The following GRB10 variants were observed in gnomAD, a reference collection of about 807,000 sequenced individuals.
The protein encoded by GRB10 is growth factor receptor-bound protein 10.
Under a neutral mutation model 80.9 loss-of-function variants are expected in GRB10, and 20 were observed. The observed-to-expected ratio is 0.25, with a 90% CI of 0.17 to 0.36. The LOEUF is 0.36. Among genes scored for constraint, GRB10 ranks in the 10% least tolerant of loss-of-function variants. The pLI is 1.00. For synonymous variants in GRB10, 291 were observed against 291.5 expected, an observed-to-expected ratio of 1.00 and a Z score of 0.02; for missense variants, 548 against 747.7, an observed-to-expected ratio of 0.73 and a Z score of 3.12.
At chr7:50,770,764 T>TC (rs958245361) in intron 2 of GRB10, among the ~76,000 whole-genome samples, 2 of 151,732 alleles carry the variant, frequency 1.3e-5, no homozygotes, top group African/African-American at 2.4e-5. Flanking sequence ...TCTTCCCATT[T>TC]TTTTTGTTTT....
chr7:50,596,522 T>G (rs1011573205), intron 17 of GRB10, among the ~76,000 whole-genome samples: 2 of 152,338 alleles, frequency 1.3e-5, no homozygotes, highest in South Asian at 4.1e-4. Context: ...AGATTTAGGA[T>G]GAAGATGTTC....
intron 8 of GRB10, among the ~76,000 whole-genome samples, chr7:50,625,590 C>G (rs1331742732): frequency 1.3e-5 from 2 of 152,320 alleles, no homozygotes; most frequent in East Asian, 3.9e-4. Flanking sequence ...ACTGTGACAT[C>G]ATGGTCACTA....
At chr7:50,788,722 C>A (rs2078794980) in intron 1 of GRB10, among the ~76,000 whole-genome samples, 1 of 152,216 alleles carries the variant, frequency 6.6e-6, no homozygotes, top group Non-Finnish European at 1.5e-5. Flanking sequence ...CAGGACTGCC[C>A]ACTAGCACAG....
rs1330092288 is a variant in GRB10, at chr7:50,590,456, TA to T, written c.*2495del. On this transcript the variant is annotated 3_prime_UTR_variant, in exon 19 of 19. Transcript: ENST00000401949. ...CAAACAAAAGAACATTCTGGAACTC[TA>T]ACACCTAGTGTAACAGAGCTTACCT... The T allele has an allele frequency of 6.6e-6, 1 of 152,420 alleles. No homozygotes were observed. Among genetic ancestry groups the T allele is most frequent in the African/African-American group, 2.4e-5 (1 of 41,470 alleles). 9.4% of individuals were successfully genotyped at this position (152,420 alleles called of 1,614,324 possible). A position where few individuals can be genotyped will look rare whatever the true frequency, so the allele number is the denominator to read the frequency against.
chr7:50,713,937 T>C (rs2066406832), intron 4 of GRB10, among the ~76,000 whole-genome samples: 1 of 151,662 alleles, frequency 6.6e-6, no homozygotes, highest in Non-Finnish European at 1.5e-5. Flanking sequence ...CCATCACCTC[T>C]GCTCCTTCCC....
At chr7:50,668,571 T>C (rs1410651469) in intron 7 of GRB10, among the ~76,000 whole-genome samples, 1 of 152,170 alleles carries the variant, frequency 6.6e-6, no homozygotes, top group African/African-American at 2.4e-5. Context: ...ACTTAATTCA[T>C]ACGGGATGGC....
intron 6 of GRB10, among the ~76,000 whole-genome samples, chr7:50,673,263 C>T (rs73116888): frequency 0.075 from 11,348 of 152,224 alleles, 691 homozygotes; most frequent in South Asian, 0.12. Flanking sequence ...GTACATCCTC[C>T]GCAAAGGCCC....
intron 4 of GRB10, among the ~76,000 whole-genome samples, chr7:50,708,414 A>G (rs1186325580): frequency 6.6e-6 from 1 of 152,256 alleles, no homozygotes; most frequent in East Asian, 1.9e-4. Context: ...CAGCAGGGAA[A>G]AAGTTAGCCA....
Position 50,674,529 on chromosome 7 carries a change from G to A in GRB10, c.269C>T (p.Pro90Leu), listed in dbSNP as rs768264481. The A allele has an allele frequency of 4.3e-6, 7 of 1,611,114 alleles. No homozygotes were observed. The highest frequency in any genetic ancestry group is 1.1e-5 in the South Asian group (1 of 91,082). ...LQNGQHARSQ[P>L]RASGPPRSIQ... ...GGACCGAGGAGGGCCTGAAGCCCGAGGCTGGCTGCGGGCATGCTGGCCATT... is the reference window on the plus strand; with the variant it reads ...GGACCGAGGAGGGCCTGAAGCCCGAAGCTGGCTGCGGGCATGCTGGCCATT... Residue 90 changes from proline (P) to leucine (L), a missense_variant, in exon 6 of 19, where the codon CCT becomes CTT. Coordinates refer to ENST00000401949, the MANE Select transcript of GRB10 (RefSeq NM_001350814.2).
chr7:50,617,894 CTT>C, intron 10 of GRB10, 175 bp downstream of exon 10: 4 of 658,434 alleles, frequency 6.1e-6, no homozygotes, highest in Non-Finnish European at 1.1e-5. Flanking sequence ...TCCAAGGAAA[CTT>C]TTAATTTCTG....
intron 2 of GRB10, among the ~76,000 whole-genome samples, chr7:50,778,332 GC>G (rs2077916473): frequency 6.6e-6 from 1 of 152,172 alleles, no homozygotes; most frequent in African/African-American, 2.4e-5. Flanking sequence ...GCATTAAGTT[GC>G]CCAACATCAC....
intron 17 of GRB10, among the ~76,000 whole-genome samples, chr7:50,600,561 AGGAAGGAAGGAAAGAGGAGCAGAG>A (rs2047428180): frequency 6.6e-6 from 1 of 152,330 alleles, no homozygotes; most frequent in South Asian, 2.1e-4. Flanking sequence ...TGCAGAGAGC[AGGAAGGAAGGAAAGAGGAGCAGAG>A]GGAAGGAAGG....
chr7:50,792,866 C>G (rs2078991512), intron 1 of GRB10: 1 of 149,800 alleles, frequency 6.7e-6, no homozygotes, highest in Non-Finnish European at 1.5e-5. Context: ...CCGCGAGCCG[C>G]CGGCGTCTGA....
At chr7:50,631,671 T>C (rs992203755) in intron 7 of GRB10, among the ~76,000 whole-genome samples, 1 of 152,192 alleles carries the variant, frequency 6.6e-6, no homozygotes, top group Non-Finnish European at 1.5e-5. Context: ...AGACGTGATA[T>C]GAGGTTGTGC....
In GRB10 at chr7:50,732,261, C is replaced by G; in HGVS notation, c.51+11G>C. The G allele has an allele frequency of 6.2e-7, 1 of 1,613,702 alleles. No individual in the cohort carries two copies. The highest frequency in any genetic ancestry group is 1.1e-5 in the South Asian group (1 of 91,068). On this transcript the variant is annotated intron_variant, in intron 4 of 18. Coordinates refer to ENST00000401949, the MANE Select transcript of GRB10 (RefSeq NM_001350814.2). Reference sequence around the variant, plus strand: ...ATCGGGCCAGGATCAGATATATGTGCTCGCCCATACCTGGTAGTACGGATG... The same window carrying G: ...ATCGGGCCAGGATCAGATATATGTGGTCGCCCATACCTGGTAGTACGGATG...
At chr7:50,672,595 G>A (rs1007592280) in intron 6 of GRB10, among the ~76,000 whole-genome samples, 1 of 152,146 alleles carries the variant, frequency 6.6e-6, no homozygotes, top group African/African-American at 2.4e-5. Context: ...CTGTCCCACA[G>A]AGCAAGCCTG....
chr7:50,775,691 CTCTG>C (rs1464801708), intron 2 of GRB10, among the ~76,000 whole-genome samples: 1 of 152,234 alleles, frequency 6.6e-6, no homozygotes, highest in Non-Finnish European at 1.5e-5. Context: ...TGCAGCAATT[CTCTG>C]TCTGAGCCCA....
intron 4 of GRB10, among the ~76,000 whole-genome samples, chr7:50,718,699 C>G (rs144058770): frequency 6.6e-6 from 1 of 152,238 alleles, no homozygotes; most frequent in African/African-American, 2.4e-5. Flanking sequence ...CATTAACACC[C>G]AGTTCACCAG....
At chr7:50,692,961 C>A (rs1355874171) in intron 5 of GRB10, among the ~76,000 whole-genome samples, 3 of 152,204 alleles carry the variant, frequency 2.0e-5, no homozygotes, top group African/African-American at 7.2e-5. Flanking sequence ...GTTTTCCCAT[C>A]TGTAGCTCTG....
Sources: gnomAD v4.1 joint callset for allele counts (sites outside exome capture counted in the v4.1 genomes callset) on GRCh38, gnomAD v4.1.1 for gene constraint, MANE v1.5 for transcripts, NCBI Gene and HGNC (gene_info 2026-07-23, HGNC 2026-07-21) for gene names.